The following IPO9 variants were observed in gnomAD, a reference collection of about 807,000 sequenced individuals.
The protein encoded by IPO9 is importin-9.
Under a neutral mutation model 128.6 loss-of-function variants are expected in IPO9, and 28 were observed. That is an observed-to-expected ratio of 0.22 (90% CI 0.16 to 0.30). The LOEUF is 0.30. Among genes scored for constraint, IPO9 ranks in the 10% least tolerant of loss-of-function variants. The pLI, the probability that IPO9 is intolerant of heterozygous loss-of-function variation, is 1.00. For missense variants in IPO9, 935 were observed against 1,293.9 expected, an observed-to-expected ratio of 0.72 and a Z score of 4.26; for synonymous variants, 455 against 475.8, an observed-to-expected ratio of 0.96 and a Z score of 0.57.
intron 9 of IPO9, 48 bp downstream of exon 9, chr1:201,855,230 G>C (rs767325079): frequency 2.4e-6 from 3 of 1,251,204 alleles, no homozygotes; most frequent in Non-Finnish European, 3.5e-6. Context: ...AGTGGGAAAA[G>C]AAAAAGAAGC....
At chr1:201,859,208 A>ATATATATATATATATATTTAT (rs1553290975) in intron 13 of IPO9, among the ~76,000 whole-genome samples, 1 of 74,402 alleles carries the variant, frequency 1.3e-5, no homozygotes. Context: ...TATATATATA[A>ATATATATATATATATATTTAT]AGGAAACTCT....
chr1:201,850,548 A>G (rs942809628), intron 4 of IPO9: 1 of 152,160 alleles, frequency 6.6e-6, no homozygotes, highest in Non-Finnish European at 1.5e-5. Context: ...TTCGTTCTCA[A>G]AGAAGTTTGG....
chr1:201,882,447 CAAAA>C lies in IPO9; in HGVS notation c.*6401_*6404del, dbSNP rs1161071804. The C allele has an allele frequency of 1.0e-4, 5 of 47,700 alleles. No individual in the cohort carries two copies. Among genetic ancestry groups the C allele is most frequent in the Non-Finnish European group, 2.4e-4 (5 of 20,588 alleles). The allele number at this position is 47,700 out of a possible 1,614,324, so 3.0% of individuals were successfully genotyped here. A position where few individuals can be genotyped will look rare whatever the true frequency, so the allele number is the denominator to read the frequency against. The stretch of plus-strand genomic sequence containing the variant: ...ACTCTGCCTCAAAAAAAAAAAAAAA[CAAAA>C]AAAAAAACAAGTTTTGTGAATTTAA... On this transcript the variant is annotated 3_prime_UTR_variant, in exon 24 of 24. Transcript: ENST00000361565.
chr1:201,869,525 C>G (rs1177940133), intron 16 of IPO9, 65 bp from the exon 17 acceptor site: 1 of 1,589,652 alleles, frequency 6.3e-7, no homozygotes. Context: ...CAGTAAGGAT[C>G]TTGGTTGTTG....
chr1:201,853,028 C>A lies in IPO9; in HGVS notation c.621C>A (p.Thr207=). Residue 207 remains threonine (T), a synonymous_variant, in exon 6 of 24, where the codon ACC becomes ACA. Coordinates refer to ENST00000361565, the MANE Select transcript of IPO9 (RefSeq NM_018085.5). ...TCTTCCAGGTGTATGGTATTCGAAC[C>A]CGTTCCCGAGCCGTGGAGATTTTTA... ...FTMAEVYGIR[T]RSRAVEIFTT... is the part of the protein sequence containing the mutation. 1 of 1,614,052 alleles carries A rather than the reference C, an allele frequency of 6.2e-7. No individual in the cohort carries two copies. Among genetic ancestry groups the A allele is most frequent in the East Asian group, 2.2e-5 (1 of 44,880 alleles).
rs1680932374 is a variant in IPO9 at position 201,883,714 on chromosome 1, G to T, written c.*7660G>T. On this transcript the variant is annotated 3_prime_UTR_variant, in exon 24 of 24. Transcript: ENST00000361565. ...ACAAACCATAATAACAACAAACCAG[G>T]TAGCAGGATAGAGACTCATTCTCAT... The T allele has an allele frequency of 6.6e-6, 1 of 152,268 alleles. No individual in the cohort carries two copies. The highest frequency in any genetic ancestry group is 1.5e-5 in the Non-Finnish European group (1 of 68,058). The allele number at this position is 152,268 out of a possible 1,614,324, so 9.4% of individuals were successfully genotyped here. A position where few individuals can be genotyped will look rare whatever the true frequency, so the allele number is the denominator to read the frequency against.
rs1187323537 is a variant in IPO9, at chr1:201,848,642, C to A, written c.514+48C>A. ...GTATTGGTACTTGGATCTCAAGCGACAGGAGTATTACCAGAAGCTATGTGA... is the reference window on the plus strand; with the variant it reads ...GTATTGGTACTTGGATCTCAAGCGAAAGGAGTATTACCAGAAGCTATGTGA... On this transcript the variant is annotated intron_variant, in intron 4 of 23. Coordinates refer to ENST00000361565, the MANE Select transcript of IPO9 (RefSeq NM_018085.5). The A allele has an allele frequency of 2.5e-6, 4 of 1,577,532 alleles. No homozygotes were observed. In the Admixed American group the frequency reaches 6.7e-5, roughly 26 times the overall value.
Position 201,880,196 on chromosome 1 carries a change from A to T in IPO9, c.*4142A>T, listed in dbSNP as rs1680859862. On this transcript the variant is annotated 3_prime_UTR_variant, in exon 24 of 24. Coordinates refer to ENST00000361565, the MANE Select transcript of IPO9 (RefSeq NM_018085.5). ...TACCTTGTCTCTTAAAATTTAAAAT[A>T]AAAAAAAAGTTTATTATGCCAGGAA... 6.6e-6 allele frequency: 1 copy of T among 151,722 alleles called. No individual in the cohort carries two copies. The highest frequency in any genetic ancestry group is 1.9e-4 in the East Asian group (1 of 5,198). The allele number at this position is 151,722 out of a possible 1,614,324, so 9.4% of individuals were successfully genotyped here.
At chr1:201,843,665 G>A (rs972501535) in intron 1 of IPO9, among the ~76,000 whole-genome samples, 4 of 151,902 alleles carry the variant, frequency 2.6e-5, no homozygotes, top group African/African-American at 9.7e-5. Context: ...CAGTCTCTAC[G>A]AAAAATACAA....
chr1:201,868,083 G>A (rs936369927), intron 15 of IPO9, among the ~76,000 whole-genome samples: 1 of 152,156 alleles, frequency 6.6e-6, no homozygotes, highest in African/African-American at 2.4e-5. Context: ...CTAAATAGAG[G>A]AGGATGTTTT....
chr1:201,840,112 C>T lies in IPO9; in HGVS notation c.164-7167C>T, dbSNP rs552088103. On this transcript the variant is annotated intron_variant, in intron 1 of 23. Transcript: ENST00000361565. ...AAATTTATTTTATTTACTTTTGAGACAGCGTGTCACTCTGTCGCCCAGGCT... is the reference window on the plus strand; with the variant it reads ...AAATTTATTTTATTTACTTTTGAGATAGCGTGTCACTCTGTCGCCCAGGCT... Among the ~76,000 whole-genome samples the T allele has an allele frequency of 5.3e-5, 8 of 152,328 alleles. No individual in the cohort carries two copies. The East Asian group carries it at 1.5e-3, about 29-fold the overall frequency.
intron 10 of IPO9, 147 bp downstream of exon 10, chr1:201,856,081 TC>T: frequency 1.6e-6 from 1 of 623,548 alleles, no homozygotes; most frequent in Non-Finnish European, 2.5e-6. Context: ...AGGTTTGACA[TC>T]ATTTTATTGC....
intron 4 of IPO9, chr1:201,850,707 A>C (rs1680198301): frequency 6.6e-6 from 1 of 152,216 alleles, no homozygotes; most frequent in Admixed American, 6.5e-5. Flanking sequence ...TTATTAGCAG[A>C]ATTAAATTAT....
Position 201,860,067 on chromosome 1 carries a change from G to A in IPO9, c.1468+1073G>A, listed in dbSNP as rs1279666573. Among the ~76,000 whole-genome samples, 9 of 152,058 alleles carry A rather than the reference G, an allele frequency of 5.9e-5. No homozygotes were observed. The East Asian group carries it at 1.7e-3, about 29-fold the overall frequency. Reference sequence around the variant, plus strand: ...GTGGCATTTTCTGCTACTTGCTTCTGCCATGCCATGCCTTTTCTCATCCTT... The same window carrying A: ...GTGGCATTTTCTGCTACTTGCTTCTACCATGCCATGCCTTTTCTCATCCTT... On this transcript the variant is annotated intron_variant, in intron 13 of 23. Transcript: ENST00000361565.
At chr1:201,848,166 A>T (rs1680153693) in intron 3 of IPO9, among the ~76,000 whole-genome samples, 1 of 152,216 alleles carries the variant, frequency 6.6e-6, no homozygotes, top group Admixed American at 6.5e-5. Context: ...TAAATTTTTT[A>T]AAATGTTAAT....
intron 1 of IPO9, chr1:201,834,968 T>C (rs558327349): frequency 1.3e-5 from 2 of 152,446 alleles, no homozygotes; most frequent in South Asian, 2.1e-4. Context: ...GCGTAAGCAC[T>C]GTCCACCTGC....
intron 13 of IPO9, among the ~76,000 whole-genome samples, chr1:201,859,431 G>A (rs1680399077): frequency 6.6e-6 from 1 of 151,630 alleles, no homozygotes; most frequent in African/African-American, 2.4e-5. Context: ...TCCCAAATTG[G>A]CGTTCCCATT....
intron 14 of IPO9, 73 bp downstream of exon 14, chr1:201,863,680 AGT>A (rs1160831553): frequency 7.3e-7 from 1 of 1,374,756 alleles, no homozygotes; most frequent in African/African-American, 1.4e-5. Context: ...ACAGTTTTCC[AGT>A]GTATTATGTT....
At chr1:201,874,190 G>A (rs1056237074) in intron 20 of IPO9, 60 bp from the exon 21 acceptor site, 95 of 1,587,704 alleles carry the variant, frequency 6.0e-5, no homozygotes, top group Non-Finnish European at 7.5e-5. Flanking sequence ...AGAGGACAGG[G>A]GTACTTCCAG....
Sources: allele counts gnomAD v4.1 joint callset (sites outside exome capture counted in the v4.1 genomes callset), GRCh38; gene constraint gnomAD v4.1.1; transcripts MANE v1.5; gene names NCBI Gene and HGNC (gene_info 2026-07-23, HGNC 2026-07-21).